NIN: variants seen among roughly 807,000 people sequenced by gnomAD.
NIN encodes the protein ninein, also known as glycogen synthase kinase 3 beta-interacting protein.
A neutral mutation model predicts 257.6 loss-of-function variants in NIN; 137 were observed. The observed-to-expected ratio is 0.53, with a 90% CI of 0.46 to 0.61. The LOEUF is 0.61. NIN is among the 20% of genes least tolerant of loss of function. NIN has a pLI of 0.00. For synonymous variants in NIN, 918 were observed against 919.8 expected (o/e 1.00, Z 0.04); for missense variants, 2,439 against 2,501.2 (o/e 0.98, Z 0.53).
chr14:50,736,639 C>T (rs2040995107), intron 27 of NIN, among the ~76,000 whole-genome samples: 1 of 152,150 alleles, frequency 6.6e-6, no homozygotes, highest in Non-Finnish European at 1.5e-5. Context: ...TATTAAAAGC[C>T]TATCACAGAC....
chr14:50,791,989 A>G (rs1273979858), intron 5 of NIN: 3 of 152,362 alleles, frequency 2.0e-5, no homozygotes, highest in East Asian at 3.9e-4. Context: ...GGCATTTTCA[A>G]TCATGTTCTA....
intron 4 of NIN, among the ~76,000 whole-genome samples, chr14:50,800,523 A>C (rs1455697920): frequency 6.6e-6 from 1 of 152,226 alleles, no homozygotes. Context: ...TTAAATGACT[A>C]ACCTTATACA....
intron 12 of NIN, among the ~76,000 whole-genome samples, chr14:50,767,582 C>T (rs147845546): frequency 0.033 from 5,049 of 152,168 alleles, 85 homozygotes; most frequent in Non-Finnish European, 0.046. Flanking sequence ...CTTTGGGAGG[C>T]CAAGGTGGGC....
intron 3 of NIN, among the ~76,000 whole-genome samples, chr14:50,820,607 G>A (rs1447731883): frequency 1.3e-5 from 2 of 152,134 alleles, no homozygotes; most frequent in Non-Finnish European, 2.9e-5. Context: ...TGCATGAGGA[G>A]CAAATGGTTC....
chr14:50,823,156 G>GTT, intron 2 of NIN: 2 of 444,580 alleles, frequency 4.5e-6, no homozygotes, highest in Admixed American at 2.7e-5. Context: ...GAAATCTGTG[G>GTT]TTTTTTTTTT....
At chr14:50,811,836 T>C (rs2044633776) in intron 3 of NIN, among the ~76,000 whole-genome samples, 1 of 151,560 alleles carries the variant, frequency 6.6e-6, no homozygotes, top group Non-Finnish European at 1.5e-5. Context: ...CTATTAAAAA[T>C]ACAAAAAATT....
intron 12 of NIN, among the ~76,000 whole-genome samples, chr14:50,769,595 G>A (rs1179673497): frequency 6.6e-6 from 1 of 152,064 alleles, no homozygotes; most frequent in African/African-American, 2.4e-5. Context: ...CTGCCTCCCA[G>A]GTTCAAGCAA....
intron 5 of NIN, among the ~76,000 whole-genome samples, chr14:50,784,204 C>T (rs2065081): frequency 0.18 from 27,455 of 152,124 alleles, 2,592 homozygotes; most frequent in Non-Finnish European, 0.2. Context: ...TACCTTACAA[C>T]GTGAGGAGGA....
At position 50,758,736 on chromosome 14, in the gene NIN, A is replaced by C. The variant is rs2042149064; in HGVS notation, c.2400-106T>G. 2.2e-5 allele frequency: 22 copies of C among 1,008,382 alleles called. No individual in the cohort carries two copies. In the South Asian group the frequency reaches 3.9e-4, roughly 18 times the overall value. The allele number at this position is 1,008,382 out of a possible 1,614,324, so 62.5% of individuals were successfully genotyped here. A position where few individuals can be genotyped will look rare whatever the true frequency, so the allele number is the denominator to read the frequency against. The stretch of plus-strand genomic sequence containing the variant: ...GAAAGCTGCTGAGCAAACAACTGAA[A>C]TACTCCCTAAAAATGCTCTTAACTT... On this transcript the variant is annotated intron_variant, in intron 17 of 30. Coordinates refer to ENST00000530997, the MANE Select transcript of NIN (RefSeq NM_020921.4).
intron 2 of NIN, chr14:50,823,428 G>A (rs1687474744): frequency 8.4e-6 from 3 of 358,952 alleles, no homozygotes; most frequent in African/African-American, 4.3e-5. Flanking sequence ...CGTCCATACG[G>A]CAGATCATTA....
Position 50,766,894 on chromosome 14 carries a change from A to T in NIN, c.1435-4T>A, listed in dbSNP as rs771014624. 1 of 1,597,808 alleles carries T rather than the reference A, an allele frequency of 6.3e-7. No homozygotes were observed. The highest frequency in any genetic ancestry group is 1.7e-5 in the Admixed American group (1 of 59,976). On this transcript the variant is annotated splice_region_variant and splice_polypyrimidine_tract_variant and intron_variant, in intron 12 of 30. Coordinates refer to ENST00000530997, the MANE Select transcript of NIN (RefSeq NM_020921.4). ...CATTTTCCAGACGACTGTTTTCCTGAACAAGTATGGGGAAATTAAATGTGG... is the reference window on the plus strand; with the variant it reads ...CATTTTCCAGACGACTGTTTTCCTGTACAAGTATGGGGAAATTAAATGTGG...
At chr14:50,756,032 C>A (rs1446549001) in intron 18 of NIN, among the ~76,000 whole-genome samples, 1 of 151,822 alleles carries the variant, frequency 6.6e-6, no homozygotes, top group Non-Finnish European at 1.5e-5. Flanking sequence ...ACTATAAAGA[C>A]AGAACATTTT....
intron 28 of NIN, among the ~76,000 whole-genome samples, chr14:50,732,713 T>C (rs2040777020): frequency 1.5e-5 from 2 of 133,178 alleles, no homozygotes; most frequent in African/African-American, 6.1e-5. Context: ...AACACTGTTT[T>C]TGTTTGTTTT....
At position 50,721,147 on chromosome 14, in the gene NIN, G is replaced by A. The variant is rs2040263010; in HGVS notation, c.*2316C>T. 1 of 199,050 alleles carries A rather than the reference G, an allele frequency of 5.0e-6. No homozygotes were observed. The highest frequency in any genetic ancestry group is 1.0e-5 in the Non-Finnish European group (1 of 96,412). 12.3% of individuals were successfully genotyped at this position (199,050 alleles called of 1,614,324 possible). A position where few individuals can be genotyped will look rare whatever the true frequency, so the allele number is the denominator to read the frequency against. On this transcript the variant is annotated 3_prime_UTR_variant, in exon 31 of 31. Coordinates refer to ENST00000530997, the MANE Select transcript of NIN (RefSeq NM_020921.4). The stretch of plus-strand genomic sequence containing the variant: ...ATGCATACATTTAAGGTATCTGTAT[G>A]GTATTTCTCATATTGATCTTTTTCC...
In NIN at chr14:50,741,851, GC is replaced by G. The variant is rs779997499; in HGVS notation, c.5302-124del. 3.4e-4 allele frequency: 378 copies of G among 1,125,130 alleles called. 1 individual carries two copies. The highest frequency in any genetic ancestry group is 4.3e-4 in the Non-Finnish European group (339 of 797,324). The allele number at this position is 1,125,130 out of a possible 1,614,324, so 69.7% of individuals were successfully genotyped here. Reference sequence around the variant, plus strand: ...TGTTTGTTTCTCTTTACTAAATCCAGCTTTCTTGTCAGTAGCTCAGTGGAAA... The same window carrying G: ...TGTTTGTTTCTCTTTACTAAATCCAGTTTCTTGTCAGTAGCTCAGTGGAAA... On this transcript the variant is annotated intron_variant, in intron 24 of 30. Transcript: ENST00000530997.
At chr14:50,738,373 G>A in intron 26 of NIN, 87 bp from the exon 27 acceptor site, 6 of 1,131,252 alleles carry the variant, frequency 5.3e-6, no homozygotes, top group Non-Finnish European at 7.7e-6. Flanking sequence ...TTTTAATTCA[G>A]TACTTGGGTC....
Position 50,754,698 on chromosome 14 carries a change from G to T in NIN, c.4664+44C>A, listed in dbSNP as rs758977930. On this transcript the variant is annotated intron_variant, in intron 19 of 30. Transcript: ENST00000530997. ...TAAAAGCTGAAGTAAAAGAATTTTA[G>T]TCTTTGCAAAAATGTCTTAGGAAAA... 11 of 1,580,310 alleles carry T rather than the reference G, an allele frequency of 7.0e-6. No individual in the cohort carries two copies. In the Admixed American group the frequency reaches 1.5e-4, roughly 21 times the overall value.
intron 28 of NIN, chr14:50,731,042 A>AAAAATATG: frequency 1.3e-6 from 1 of 780,634 alleles, no homozygotes; most frequent in Non-Finnish European, 1.9e-6. Context: ...GGAGTTAGAG[A>AAAAATATG]AAAGTATGAG....
intron 4 of NIN, among the ~76,000 whole-genome samples, chr14:50,793,359 T>A (rs2043685770): frequency 6.6e-6 from 1 of 151,962 alleles, no homozygotes; most frequent in African/African-American, 2.4e-5. Context: ...CAGTGATTCC[T>A]CTGTTAACCA....
Sources: allele counts gnomAD v4.1 joint callset (sites outside exome capture counted in the v4.1 genomes callset), GRCh38; gene constraint gnomAD v4.1.1; transcripts MANE v1.5; gene names NCBI Gene and HGNC (gene_info 2026-07-23, HGNC 2026-07-21).